ALK: variants seen among roughly 807,000 people sequenced by gnomAD.
ALK encodes ALK receptor tyrosine kinase.
Under a neutral mutation model 163.1 loss-of-function variants are expected in ALK, and 74 were observed. That is an observed-to-expected ratio of 0.45 (90% CI 0.38 to 0.55). The LOEUF (loss-of-function observed/expected upper bound fraction) is 0.55. ALK is among the 20% of genes least tolerant of loss of function. The pLI is 0.00. For synonymous variants in ALK, 960 were observed against 843.2 expected, an observed-to-expected ratio of 1.14 and a Z score of -2.40; for missense variants, 2,063 against 2,105.3, an observed-to-expected ratio of 0.98 and a Z score of 0.39.
chr2:29,260,162 T>C (rs547789769), intron 11 of ALK, among the ~76,000 whole-genome samples: 2 of 152,378 alleles, frequency 1.3e-5, no homozygotes, highest in South Asian at 4.1e-4. Context: ...CCTTCATTTT[T>C]GAAAATAGTT....
intron 3 of ALK, among the ~76,000 whole-genome samples, chr2:29,556,520 C>T (rs1177558762): frequency 6.6e-6 from 1 of 152,166 alleles, no homozygotes; most frequent in Non-Finnish European, 1.5e-5. Flanking sequence ...AATCAATTCT[C>T]AAGGTTGTAG....
intron 4 of ALK, among the ~76,000 whole-genome samples, chr2:29,476,863 T>C (rs1671537396): frequency 6.6e-6 from 1 of 152,206 alleles, no homozygotes; most frequent in African/African-American, 2.4e-5. Flanking sequence ...GATGTATAGC[T>C]AGGAATTTGT....
chr2:29,435,711 A>G (rs1321121832), intron 4 of ALK, among the ~76,000 whole-genome samples: 1 of 152,140 alleles, frequency 6.6e-6, no homozygotes, highest in Non-Finnish European at 1.5e-5. Flanking sequence ...CCTTATGCCA[A>G]TATGACTGAG....
At position 29,570,025 on chromosome 2, in the gene ALK, T is replaced by C. The variant is rs184919007; in HGVS notation, c.953-37909A>G. 4.6e-5 allele frequency among the ~76,000 whole-genome samples: 7 copies of C among 152,284 alleles called. No homozygotes were observed. In the East Asian group the frequency reaches 9.7e-4, roughly 21 times the overall value. On this transcript the variant is annotated intron_variant, in intron 3 of 28. Transcript: ENST00000389048. Reference sequence around the variant, plus strand: ...AGGCCTGAAGGAACCACCTGCTTAATTGGGGAGTAGCCTAACACTGTGGAA... The same window carrying C: ...AGGCCTGAAGGAACCACCTGCTTAACTGGGGAGTAGCCTAACACTGTGGAA...
intron 3 of ALK, chr2:29,681,030 G>C (rs1013482935): frequency 1.3e-5 from 2 of 152,320 alleles, no homozygotes; most frequent in East Asian, 1.9e-4. Flanking sequence ...ATAAAAAAGA[G>C]ATGGGGTCTT....
At position 29,607,358 on chromosome 2, in the gene ALK, C is replaced by T. The variant is rs1235633350; in HGVS notation, c.953-75242G>A. 2.6e-5 allele frequency among the ~76,000 whole-genome samples: 4 copies of T among 152,166 alleles called. No individual in the cohort carries two copies. In the South Asian group the frequency reaches 6.2e-4, roughly 24 times the overall value. On this transcript the variant is annotated intron_variant, in intron 3 of 28. Coordinates refer to ENST00000389048, the MANE Select transcript of ALK (RefSeq NM_004304.5). ...CATCTCTCTAAGCATAGAAATAGAG[C>T]ATCTTTTACTTTAAGAAAATCACAT...
chr2:29,847,182 T>C (rs1665867860), intron 1 of ALK, among the ~76,000 whole-genome samples: 1 of 152,168 alleles, frequency 6.6e-6, no homozygotes, highest in Non-Finnish European at 1.5e-5. Context: ...TACCTCGGTA[T>C]TCTCATCTAT....
At chr2:29,898,308 G>C (rs1223807372) in intron 1 of ALK, among the ~76,000 whole-genome samples, 2 of 152,216 alleles carry the variant, frequency 1.3e-5, no homozygotes, top group African/African-American at 4.8e-5. Flanking sequence ...GGGTTTGTTT[G>C]AAACTGATCA....
chr2:29,717,171 C>CAAAAAAAAAAAAA (rs754615995), intron 2 of ALK, among the ~76,000 whole-genome samples: 2 of 70,578 alleles, frequency 2.8e-5, no homozygotes, highest in African/African-American at 6.5e-5. Flanking sequence ...GACTCTGTCT[C>CAAAAAAAAAAAAA]AAAAAAAAAA....
chr2:29,379,562 C>T (rs1376600090), intron 5 of ALK, among the ~76,000 whole-genome samples: 3 of 152,126 alleles, frequency 2.0e-5, no homozygotes, highest in African/African-American at 7.2e-5. Context: ...ATAAAGTCTT[C>T]CAAGGAGAAT....
chr2:29,472,059 A>C (rs970025948), intron 4 of ALK, among the ~76,000 whole-genome samples: 45 of 152,166 alleles, frequency 3.0e-4, no homozygotes, highest in African/African-American at 1.1e-3. Flanking sequence ...GATGACTTTC[A>C]AGGCAAGATC....
intron 5 of ALK, among the ~76,000 whole-genome samples, chr2:29,357,292 T>G (rs1463577734): frequency 1.3e-5 from 2 of 152,174 alleles, no homozygotes; most frequent in African/African-American, 4.8e-5. Context: ...TGCCCTCATC[T>G]CCTCCTCATG....
At chr2:29,441,898 A>G (rs1670555061) in intron 4 of ALK, among the ~76,000 whole-genome samples, 1 of 152,214 alleles carries the variant, frequency 6.6e-6, no homozygotes, top group Non-Finnish European at 1.5e-5. Context: ...AAGAGTAAAA[A>G]GTTATGATCA....
At chr2:29,215,928 G>A (rs975672499) in intron 23 of ALK, among the ~76,000 whole-genome samples, 2 of 152,164 alleles carry the variant, frequency 1.3e-5, no homozygotes, top group Non-Finnish European at 2.9e-5. Flanking sequence ...GAGCACCCAC[G>A]CCAGCAGCCT....
chr2:29,778,948 G>A (rs991361997), intron 1 of ALK, among the ~76,000 whole-genome samples: 1 of 152,032 alleles, frequency 6.6e-6, no homozygotes, highest in African/African-American at 2.4e-5. Context: ...GAGGTCAGGA[G>A]ATCGAGACCA....
chr2:29,648,272 C>T (rs1676941656), intron 3 of ALK, among the ~76,000 whole-genome samples: 1 of 152,166 alleles, frequency 6.6e-6, no homozygotes, highest in Non-Finnish European at 1.5e-5. Flanking sequence ...CAACAAAACA[C>T]AGCTGCCCCT....
intron 6 of ALK, among the ~76,000 whole-genome samples, chr2:29,321,540 T>C (rs1667047294): frequency 6.6e-6 from 1 of 152,260 alleles, no homozygotes; most frequent in African/African-American, 2.4e-5. Context: ...ATGTATCTTC[T>C]CTGAATTAAG....
chr2:29,491,903 T>A (rs1299989734), intron 4 of ALK, among the ~76,000 whole-genome samples: 1 of 152,216 alleles, frequency 6.6e-6, no homozygotes, highest in Non-Finnish European at 1.5e-5. Flanking sequence ...TTCACAGATG[T>A]CTAATGTTCT....
intron 1 of ALK, among the ~76,000 whole-genome samples, chr2:29,798,771 G>A: frequency 6.6e-6 from 1 of 152,152 alleles, no homozygotes; most frequent in Non-Finnish European, 1.5e-5. Flanking sequence ...ACCCCAGGGA[G>A]AATAATACCC....
Sources: gnomAD v4.1 joint callset for allele counts (sites outside exome capture counted in the v4.1 genomes callset) on GRCh38, gnomAD v4.1.1 for gene constraint, MANE v1.5 for transcripts, NCBI Gene and HGNC (gene_info 2026-07-23, HGNC 2026-07-21) for gene names.